INPP4B: variants seen among roughly 807,000 people sequenced by gnomAD.
The protein encoded by INPP4B is inositol polyphosphate 4-phosphatase type II.
A neutral mutation model predicts 122.5 loss-of-function variants in INPP4B; 55 were observed. The ratio of observed to expected loss-of-function variants is 0.45; its 90% CI spans 0.36 to 0.56. The LOEUF is 0.56. Ranked by LOEUF, INPP4B falls within the 20% of genes least tolerant of loss-of-function variation. The pLI is 0.00. For synonymous variants in INPP4B, 403 were observed against 388.7 expected, an observed-to-expected ratio of 1.04 and a Z score of -0.43; for missense variants, 1,000 against 1,097.7, an observed-to-expected ratio of 0.91 and a Z score of 1.26.
chr4:142,591,407 T>C (rs958700147), intron 2 of INPP4B, among the ~76,000 whole-genome samples: 1 of 152,110 alleles, frequency 6.6e-6, no homozygotes, highest in African/African-American at 2.4e-5. Context: ...AGAGCAATAA[T>C]AGATTATAAC....
At chr4:142,032,264 C>CA (rs35557411) in intron 25 of INPP4B, among the ~76,000 whole-genome samples, 7,659 of 152,116 alleles carry the variant, frequency 0.05, 638 homozygotes, top group African/African-American at 0.17. Context: ...TGGGAAAGCC[C>CA]AGGCTACCAG....
intron 9 of INPP4B, among the ~76,000 whole-genome samples, chr4:142,291,336 C>T (rs182759287): frequency 2.0e-5 from 3 of 152,128 alleles, no homozygotes; most frequent in Non-Finnish European, 4.4e-5. Flanking sequence ...AAAGAAAGAT[C>T]GACTTTCTGA....
At chr4:142,633,057 T>C (rs963596891) in intron 2 of INPP4B, among the ~76,000 whole-genome samples, 1 of 151,940 alleles carries the variant, frequency 6.6e-6, no homozygotes, top group East Asian at 1.9e-4. Context: ...AAGGGAAATA[T>C]ATATGTGATG....
At chr4:142,215,791 G>A (rs1457350394) in intron 12 of INPP4B, among the ~76,000 whole-genome samples, 1 of 150,908 alleles carries the variant, frequency 6.6e-6, no homozygotes, top group East Asian at 2.0e-4. Flanking sequence ...TACTCGGGAG[G>A]CTGAGGCGGG....
intron 2 of INPP4B, among the ~76,000 whole-genome samples, chr4:142,637,424 T>C (rs993833675): frequency 4.6e-5 from 7 of 152,212 alleles, no homozygotes; most frequent in African/African-American, 1.7e-4. Context: ...TTTTCCAGAA[T>C]GCCCGATATT....
intron 24 of INPP4B, among the ~76,000 whole-genome samples, chr4:142,084,952 G>T (rs938070135): frequency 6.6e-6 from 1 of 152,154 alleles, no homozygotes; most frequent in African/African-American, 2.4e-5. Flanking sequence ...CTACCATTGT[G>T]AAATTTTTGT....
intron 23 of INPP4B, among the ~76,000 whole-genome samples, chr4:142,097,298 A>T (rs1282466416): frequency 7.0e-6 from 1 of 142,076 alleles, no homozygotes; most frequent in Non-Finnish European, 1.5e-5. Context: ...CTTGTTGCCC[A>T]GGCTGGAGTG....
At chr4:142,554,188 C>CAAAA (rs758209943) in intron 2 of INPP4B, among the ~76,000 whole-genome samples, 17 of 97,180 alleles carry the variant, frequency 1.7e-4, no homozygotes, top group African/African-American at 2.7e-4. Flanking sequence ...AACTCCATCT[C>CAAAA]AAAAAAAAAA....
At chr4:142,383,084 T>C (rs1306531008) in intron 7 of INPP4B, among the ~76,000 whole-genome samples, 1 of 152,084 alleles carries the variant, frequency 6.6e-6, no homozygotes, top group East Asian at 1.9e-4. Flanking sequence ...ACAAAATGGA[T>C]TGTGTTGATA....
intron 3 of INPP4B, among the ~76,000 whole-genome samples, chr4:142,437,131 C>G (rs1187395284): frequency 6.6e-6 from 1 of 151,608 alleles, no homozygotes; most frequent in East Asian, 1.9e-4. Flanking sequence ...GTATCCATAG[C>G]CAAGTAAATC....
intron 18 of INPP4B, among the ~76,000 whole-genome samples, chr4:142,140,831 A>C (rs1243178491): frequency 1.4e-4 from 21 of 152,216 alleles, no homozygotes; most frequent in Non-Finnish European, 1.5e-5. Context: ...TATCAGTAGA[A>C]TTAGTTGTAA....
chr4:142,687,940 C>T (rs1206425420), intron 2 of INPP4B, among the ~76,000 whole-genome samples: 1 of 152,064 alleles, frequency 6.6e-6, no homozygotes, highest in Non-Finnish European at 1.5e-5. Context: ...TCCTATGAAA[C>T]CCTTGTTCCA....
chr4:142,720,219 C>T (rs910953336), intron 2 of INPP4B, among the ~76,000 whole-genome samples: 19 of 151,978 alleles, frequency 1.3e-4, no homozygotes, highest in Admixed American at 6.6e-5. Flanking sequence ...ACTCTTTGTA[C>T]GGCAAAAAAA....
intron 2 of INPP4B, among the ~76,000 whole-genome samples, chr4:142,614,124 G>C (rs1743185123): frequency 6.6e-6 from 1 of 152,162 alleles, no homozygotes; most frequent in Admixed American, 6.6e-5. Flanking sequence ...ACAGGAGGCT[G>C]AGGCAGGAGA....
chr4:142,609,001 T>C (rs1373513518), intron 2 of INPP4B, among the ~76,000 whole-genome samples: 1 of 152,112 alleles, frequency 6.6e-6, no homozygotes. Context: ...CAAACTCTTA[T>C]TATGCTTCAA....
rs766106846 is a variant in INPP4B at position 142,124,768 on chromosome 4, A to G, written c.1721-8T>C. On this transcript the variant is annotated splice_polypyrimidine_tract_variant and splice_region_variant and intron_variant, in intron 18 of 25. Transcript: ENST00000262992. ...ACTGTTCATACCAGTCCTCTGGGGG[A>G]AGGGGGTGTAAGAACAGTGCAATAG... is the stretch of plus-strand genomic sequence containing the variant. 1 of 1,521,278 alleles carries G rather than the reference A, an allele frequency of 6.6e-7. No homozygotes were observed. Among genetic ancestry groups the G allele is most frequent in the Non-Finnish European group, 8.9e-7 (1 of 1,126,670 alleles). 94.2% of individuals were successfully genotyped at this position (1,521,278 alleles called of 1,614,324 possible). A position where few individuals can be genotyped will look rare whatever the true frequency, so the allele number is the denominator to read the frequency against.
intron 2 of INPP4B, among the ~76,000 whole-genome samples, chr4:142,465,763 G>C (rs1220590760): frequency 6.6e-6 from 1 of 152,294 alleles, no homozygotes; most frequent in African/African-American, 2.4e-5. Context: ...GAATGGCTTA[G>C]CAACATCCCC....
At chr4:142,252,389 C>G (rs1458073809) in intron 11 of INPP4B, among the ~76,000 whole-genome samples, 2 of 151,736 alleles carry the variant, frequency 1.3e-5, no homozygotes, top group Admixed American at 1.3e-4. Flanking sequence ...GGGGTTTCGC[C>G]GTGTTAGCCA....
intron 9 of INPP4B, among the ~76,000 whole-genome samples, chr4:142,274,351 T>C (rs1747357766): frequency 6.6e-6 from 1 of 151,744 alleles, no homozygotes; most frequent in Non-Finnish European, 1.5e-5. Context: ...AAACAAAGAG[T>C]TGGTCTCTAA....
Sources: allele counts gnomAD v4.1 joint callset (sites outside exome capture counted in the v4.1 genomes callset), GRCh38; gene constraint gnomAD v4.1.1; transcripts MANE v1.5; gene names NCBI Gene and HGNC (gene_info 2026-07-23, HGNC 2026-07-21).